CLCA2: variants seen among roughly 807,000 people sequenced by gnomAD.
The protein encoded by CLCA2 is chloride channel accessory 2.
Under a neutral mutation model 82.9 loss-of-function variants are expected in CLCA2, and 85 were observed. The ratio of observed to expected loss-of-function variants is 1.03; its 90% confidence interval spans 0.86 to 1.23. The LOEUF (loss-of-function observed/expected upper bound fraction) is 1.23, where lower values mean the gene tolerates loss of function less well. Among genes scored for constraint, CLCA2 ranks in the 50% most tolerant of loss-of-function variants. CLCA2 has a pLI of 0.00. For missense variants in CLCA2, 1,089 were observed against 1,124.8 expected, an observed-to-expected ratio of 0.97 and a Z score of 0.45; for synonymous variants, 421 against 391.7, an observed-to-expected ratio of 1.07 and a Z score of -0.88.
Position 86,455,780 on chromosome 1 carries a change from G to T in CLCA2, c.*253G>T. On this transcript the variant is annotated 3_prime_UTR_variant, in exon 14 of 14. Coordinates refer to ENST00000370565, the MANE Select transcript of CLCA2 (RefSeq NM_006536.7). ...TAATGTCTTTAAAGGCAAAGGGAAG[G>T]GTAAAGTCGGACCAGTGTCAAGGAA... is the stretch of plus-strand genomic sequence containing the variant. 1 of 211,154 alleles carries T rather than the reference G, an allele frequency of 4.7e-6. No homozygotes were observed. Among genetic ancestry groups the T allele is most frequent in the East Asian group, 9.8e-5 (1 of 10,230 alleles). The allele number at this position is 211,154 out of a possible 1,614,324, so 13.1% of individuals were successfully genotyped here. A position where few individuals can be genotyped will look rare whatever the true frequency, so the allele number is the denominator to read the frequency against.
chr1:86,444,089 C>A, intron 10 of CLCA2, 78 bp downstream of exon 10: 1 of 920,414 alleles, frequency 1.1e-6, no homozygotes, highest in Non-Finnish European at 1.7e-6. Flanking sequence ...TGATTAAATG[C>A]ATTGTGTAAA....
At position 86,455,536 on chromosome 1, in the gene CLCA2, C is replaced by A. The variant is rs2101715937; in HGVS notation, c.*9C>A. On this transcript the variant is annotated 3_prime_UTR_variant, in exon 14 of 14. Transcript: ENST00000370565. ...GAACAAAATTATTATAAATAAATATCCAAAGTGTCTTCCTTCTTAGATATA... is the reference window on the plus strand; with the variant it reads ...GAACAAAATTATTATAAATAAATATACAAAGTGTCTTCCTTCTTAGATATA... 1 of 1,452,026 alleles carries A rather than the reference C, an allele frequency of 6.9e-7. No individual in the cohort carries two copies. Among genetic ancestry groups the A allele is most frequent in the South Asian group, 1.7e-5 (1 of 60,504 alleles). The allele number at this position is 1,452,026 out of a possible 1,614,324, so 89.9% of individuals were successfully genotyped here.
In CLCA2 at chr1:86,447,620, C is replaced by A. The variant is rs758933041; in HGVS notation, c.1826C>A (p.Ala609Asp). ...NSAVPPATVE[A>D]FVERDSLHFP... Reference sequence around the variant, plus strand: ...GCTGTGCCCCCAGCCACTGTGGAAGCCTTTGTGGAAAGAGACAGCCTCCAT... The same window carrying A: ...GCTGTGCCCCCAGCCACTGTGGAAGACTTTGTGGAAAGAGACAGCCTCCAT... Residue 609 changes from alanine (A) to aspartate (D), a missense_variant, in exon 11 of 14, where the codon GCC becomes GAC. By Grantham distance (126) the Ala-to-Asp change is moderately radical (BLOSUM62 -2). Coordinates refer to ENST00000370565, the MANE Select transcript of CLCA2 (RefSeq NM_006536.7). The A allele has an allele frequency of 5.0e-6, 8 of 1,614,102 alleles. No homozygotes were observed. The Admixed American group carries it at 6.7e-5, about 13-fold the overall frequency.
Position 86,434,531 on chromosome 1 carries a change from GTAATGCAAGTACC to G in CLCA2, c.759_771del (p.Asn254ThrfsTer21). On this transcript the variant is annotated frameshift_variant, in exon 6 of 14. Transcript: ENST00000370565. LOFTEE classifies it high-confidence loss of function. ...TTTTATTTCCAGGTGGTTGAATTTT[GTAATGCAAGTACC>G]CACAACCAAGAAGCACCAAACCTAC... 6.2e-7 allele frequency: 1 copy of G among 1,613,828 alleles called. No individual in the cohort carries two copies. Among genetic ancestry groups the G allele is most frequent in the Non-Finnish European group, 8.5e-7 (1 of 1,179,886 alleles).
At chr1:86,433,294 A>G (rs1313846912) in intron 5 of CLCA2, among the ~76,000 whole-genome samples, 2 of 152,188 alleles carry the variant, frequency 1.3e-5, no homozygotes, top group East Asian at 1.9e-4. Context: ...TGTAAGTCAC[A>G]TCTGTGGGTC....
Position 86,447,729 on chromosome 1 carries a change from G to A in CLCA2, c.1935G>A (p.Glu645=). 6.2e-7 allele frequency: 1 copy of A among 1,613,978 alleles called. No homozygotes were observed. Among genetic ancestry groups the A allele is most frequent in the Non-Finnish European group, 8.5e-7 (1 of 1,180,004 alleles). The change falls in exon 11 of 14, where the codon GAG becomes GAA. Residue 645 remains glutamate, a synonymous_variant. Transcript: ENST00000370565. ...ATGCCACTGTCACTGCCACAGTTGA[G>A]CCAGAGACTGGAGATCCTGTTACGC... ...ILNATVTATV[E]PETGDPVTLR... is the part of the protein sequence containing the mutation.
Position 86,456,212 on chromosome 1 carries a change from T to A in CLCA2, c.*685T>A, listed in dbSNP as rs1663074407. 1 of 152,232 alleles carries A rather than the reference T, an allele frequency of 6.6e-6. No individual in the cohort carries two copies. The allele number at this position is 152,232 out of a possible 1,614,324, so 9.4% of individuals were successfully genotyped here. A position where few individuals can be genotyped will look rare whatever the true frequency, so the allele number is the denominator to read the frequency against. ...CAGCTTTCTAAGTTATTGCCTTGGT[T>A]ATTATGGATGATAGTTATAGCCCTT... On this transcript the variant is annotated 3_prime_UTR_variant, in exon 14 of 14. Coordinates refer to ENST00000370565, the MANE Select transcript of CLCA2 (RefSeq NM_006536.7).
At chr1:86,454,215 A>T (rs985359218) in intron 13 of CLCA2, among the ~76,000 whole-genome samples, 7 of 152,142 alleles carry the variant, frequency 4.6e-5, no homozygotes, top group African/African-American at 1.7e-4. Flanking sequence ...AACACCACTT[A>T]TTCAGAAATT....
intron 13 of CLCA2, among the ~76,000 whole-genome samples, chr1:86,454,875 G>C (rs1166544206): frequency 1.5e-5 from 2 of 135,158 alleles, no homozygotes; most frequent in African/African-American, 5.7e-5. Flanking sequence ...ATTTTGTGTT[G>C]AATCTTGCTT....
At chr1:86,441,378 T>G in intron 8 of CLCA2, 59 bp from the exon 9 acceptor site, 4 of 1,022,492 alleles carry the variant, frequency 3.9e-6, no homozygotes, top group Non-Finnish European at 5.8e-6. Context: ...AGGCTTAACA[T>G]TTTATTTTTG....
At position 86,438,888 on chromosome 1, in the gene CLCA2, C is replaced by T; in HGVS notation, c.985C>T (p.Leu329Phe). Residue 329 changes from leucine (L) to phenylalanine (F), a missense_variant, in exon 7 of 14, where the codon CTT becomes TTT. Coordinates refer to ENST00000370565, the MANE Select transcript of CLCA2 (RefSeq NM_006536.7). ...TTTTGGGACATAGGCTGACAGACTC[C>T]TTCAACTACAACAAGCCGCAGAATT... The part of the protein sequence containing the change: ...SSKMAEADRL[L>F]QLQQAAEFYL... The T allele has an allele frequency of 6.2e-7, 1 of 1,614,020 alleles. No individual in the cohort carries two copies. The highest frequency in any genetic ancestry group is 8.5e-7 in the Non-Finnish European group (1 of 1,179,956).
At chr1:86,432,679 T>C in intron 5 of CLCA2, 151 bp downstream of exon 5, 3 of 896,404 alleles carry the variant, frequency 3.3e-6, no homozygotes, top group Admixed American at 3.0e-5. Context: ...GATTTAAAAA[T>C]TGGAACCCCC....
Position 86,455,265 on chromosome 1 carries a change from A to T in CLCA2, c.2570A>T (p.His857Leu), listed in dbSNP as rs112621814. 3.7e-6 allele frequency: 6 copies of T among 1,614,178 alleles called. No individual in the cohort carries two copies. In the East Asian group the frequency reaches 1.3e-4, roughly 36 times the overall value. The change falls in exon 14 of 14, where the codon CAT becomes CTT. Residue 857 changes from histidine (H) to leucine (L), a missense_variant. Coordinates refer to ENST00000370565, the MANE Select transcript of CLCA2 (RefSeq NM_006536.7). ...GPEHQPNGET[H>L]ESHRIYVAIR... is the part of the protein sequence containing the mutation. ...GAACATCAGCCAAATGGAGAAACAC[A>T]TGAAAGCCACAGAATTTATGTTGCA...
At chr1:86,444,898 T>TTGTTGC (rs1453581030) in intron 10 of CLCA2, among the ~76,000 whole-genome samples, 2 of 151,718 alleles carry the variant, frequency 1.3e-5, no homozygotes, top group African/African-American at 2.4e-5. Context: ...GTTGTTGTTG[T>TTGTTGC]TGTTGTTGTT....
Position 86,432,397 on chromosome 1 carries a change from G to T in CLCA2, c.613G>T (p.Val205Leu). The T allele has an allele frequency of 6.2e-7, 1 of 1,613,550 alleles. No homozygotes were observed. The highest frequency in any genetic ancestry group is 1.7e-5 in the Admixed American group (1 of 59,900). Residue 205 changes from valine (V) to leucine (L), a missense_variant, in exon 5 of 14, where the codon GTG becomes TTG. By Grantham distance (32) the Val-to-Leu change is conservative. Coordinates refer to ENST00000370565, the MANE Select transcript of CLCA2 (RefSeq NM_006536.7). Reference sequence around the variant, plus strand: ...TTCATCTGACATCACAGGCATTTTTGTGTGTGAAAAAGGTCCTTGCCCCCA... The same window carrying T: ...TTCATCTGACATCACAGGCATTTTTTTGTGTGAAAAAGGTCCTTGCCCCCA... ...RCSSDITGIF[V>L]CEKGPCPQEN...
At chr1:86,433,024 A>T (rs2101694532) in intron 5 of CLCA2, among the ~76,000 whole-genome samples, 1 of 152,360 alleles carries the variant, frequency 6.6e-6, no homozygotes, top group African/African-American at 2.4e-5. Flanking sequence ...CATGCTAACT[A>T]ACTGACAAGA....
At chr1:86,427,647 T>C (rs1016838271) in intron 2 of CLCA2, among the ~76,000 whole-genome samples, 2 of 151,936 alleles carry the variant, frequency 1.3e-5, no homozygotes, top group South Asian at 2.1e-4. Context: ...TTTTCTAAAA[T>C]CAGCTTTTAA....
chr1:86,441,164 G>A (rs111263007), intron 8 of CLCA2, among the ~76,000 whole-genome samples: 18 of 152,148 alleles, frequency 1.2e-4, no homozygotes, highest in African/African-American at 4.3e-4. Context: ...TTAATCTGAA[G>A]ACTATTCAAT....
At chr1:86,440,099 A>T in intron 7 of CLCA2, 49 bp from the exon 8 acceptor site, 1 of 1,580,110 alleles carries the variant, frequency 6.3e-7, no homozygotes. Flanking sequence ...TGCTCAATAA[A>T]ACAATTTGAA....
Sources: allele counts gnomAD v4.1 joint callset (sites outside exome capture counted in the v4.1 genomes callset), GRCh38; gene constraint gnomAD v4.1.1; transcripts MANE v1.5; gene names NCBI Gene and HGNC (gene_info 2026-07-23, HGNC 2026-07-21).